The following GRIA3 variants were observed in gnomAD, a reference collection of about 807,000 sequenced individuals.
The protein encoded by GRIA3 is glutamate receptor 3.
A neutral mutation model predicts 63.0 loss-of-function variants in GRIA3; 3 were observed. The observed-to-expected ratio is 0.05, with a 90% confidence interval of 0.02 to 0.12. The LOEUF is 0.12. GRIA3 is among the 10% of genes least tolerant of loss of function. The pLI is 1.00. For missense variants in GRIA3, 347 were observed against 700.9 expected (o/e 0.50, Z 5.70); for synonymous variants, 274 against 257.9 (o/e 1.06, Z -0.60).
chrX:123,399,028 T>A (rs1228858020), intron 7 of GRIA3, among the ~76,000 whole-genome samples: 1 of 111,049 alleles, frequency 9.0e-6, no homozygotes, highest in Admixed American at 9.6e-5. Flanking sequence ...AGAGATAAAT[T>A]TAGGGCAAAT....
At chrX:123,311,380 T>C (rs951481429) in intron 3 of GRIA3, among the ~76,000 whole-genome samples, 1 of 112,068 alleles carries the variant, frequency 8.9e-6, no homozygotes, top group Non-Finnish European at 1.9e-5. Context: ...AGCCCAAGCA[T>C]GTACCAATAA....
At chrX:123,331,924 C>A (rs1021004078) in intron 4 of GRIA3, among the ~76,000 whole-genome samples, 1 of 111,651 alleles carries the variant, frequency 9.0e-6, no homozygotes, top group Non-Finnish European at 1.9e-5. Flanking sequence ...GTGGAAAGCA[C>A]TTGGTACAGT....
chrX:123,184,571 C>T lies in GRIA3; in HGVS notation c.36C>T (p.Leu12=), dbSNP rs375713570. 8.3e-7 allele frequency: 1 copy of T among 1,210,037 alleles called. No individual in the cohort carries two copies. Among genetic ancestry groups the T allele is most frequent in the Non-Finnish European group, 1.1e-6 (1 of 894,504 alleles). Reference sequence around the variant, plus strand: ...AGAAGAAAATGGGGCAAAGCGTGCTCCGGGCGGTCTTCTTTTTAGTCCTGG... The same window carrying T: ...AGAAGAAAATGGGGCAAAGCGTGCTTCGGGCGGTCTTCTTTTTAGTCCTGG... ...ARQKKMGQSV[L]RAVFFLVLGL... The change falls in exon 1 of 16, where the codon CTC becomes CTT. Residue 12 remains leucine, a synonymous_variant. Transcript: ENST00000620443.
intron 3 of GRIA3, among the ~76,000 whole-genome samples, chrX:123,298,036 C>A (rs1603077614): frequency 9.0e-6 from 1 of 111,328 alleles, no homozygotes; most frequent in East Asian, 2.8e-4. Context: ...CCATCAATGT[C>A]TCCTCAAAGG....
chrX:123,420,601 G>T (rs1029871418), intron 11 of GRIA3, among the ~76,000 whole-genome samples: 3 of 111,081 alleles, frequency 2.7e-5, no homozygotes, highest in Non-Finnish European at 5.7e-5. Flanking sequence ...TAAGGCTCAA[G>T]ATTTTATTGG....
chrX:123,279,271 T>C (rs759845244), intron 3 of GRIA3, among the ~76,000 whole-genome samples: 2 of 111,323 alleles, frequency 1.8e-5, no homozygotes, highest in South Asian at 7.6e-4. Flanking sequence ...TAATTACAGT[T>C]ATATAGGAGG....
intron 2 of GRIA3, among the ~76,000 whole-genome samples, chrX:123,218,673 T>C (rs1928220801): frequency 9.0e-6 from 1 of 111,670 alleles, no homozygotes; most frequent in Non-Finnish European, 1.9e-5. Context: ...AAATTACTTG[T>C]GCAAGTGGAC....
At chrX:123,441,614 T>A (rs2045674494) in intron 12 of GRIA3, among the ~76,000 whole-genome samples, 1 of 111,948 alleles carries the variant, frequency 8.9e-6, no homozygotes, top group Non-Finnish European at 1.9e-5. Context: ...TGGCATACAA[T>A]ATCAAATGAA....
At chrX:123,313,119 C>T (rs928935647) in intron 3 of GRIA3, among the ~76,000 whole-genome samples, 2 of 111,592 alleles carry the variant, frequency 1.8e-5, no homozygotes, top group African/African-American at 6.5e-5. Context: ...CAAATTCACT[C>T]TCATATCCCC....
chrX:123,276,057 G>A (rs2044552961), intron 3 of GRIA3, among the ~76,000 whole-genome samples: 1 of 111,992 alleles, frequency 8.9e-6, no homozygotes, highest in African/African-American at 3.2e-5. Context: ...CCCAGAGAGG[G>A]AAAATGACTT....
intron 3 of GRIA3, among the ~76,000 whole-genome samples, chrX:123,306,855 C>T (rs2044757967): frequency 8.9e-6 from 1 of 111,910 alleles, no homozygotes; most frequent in Non-Finnish European, 1.9e-5. Flanking sequence ...GCTGATCACA[C>T]ACCATTTTCT....
chrX:123,301,694 T>C (rs1182736299), intron 3 of GRIA3, among the ~76,000 whole-genome samples: 1 of 111,761 alleles, frequency 8.9e-6, no homozygotes, highest in Non-Finnish European at 1.9e-5. Context: ...AACTTAAATG[T>C]TGCTTTGTGT....
At chrX:123,426,919 G>A (rs762609049) in intron 11 of GRIA3, among the ~76,000 whole-genome samples, 9 of 111,538 alleles carry the variant, frequency 8.1e-5, no homozygotes, top group Admixed American at 4.7e-4. Flanking sequence ...TTTTGTTTTC[G>A]TTTTCTGTGT....
intron 2 of GRIA3, among the ~76,000 whole-genome samples, chrX:123,199,336 G>T (rs1391562947): frequency 1.0e-5 from 1 of 98,745 alleles, no homozygotes; most frequent in African/African-American, 3.8e-5. Context: ...TAACAGCATG[G>T]TGTATCCAGC....
At chrX:123,199,331 G>C (rs1182521579) in intron 2 of GRIA3, among the ~76,000 whole-genome samples, 4 of 92,123 alleles carry the variant, frequency 4.3e-5, no homozygotes, top group African/African-American at 1.7e-4. Context: ...GTATCTAACA[G>C]CATGGTGTAT....
intron 5 of GRIA3, among the ~76,000 whole-genome samples, chrX:123,382,597 G>A (rs1489507229): frequency 9.0e-6 from 1 of 111,709 alleles, no homozygotes; most frequent in African/African-American, 3.3e-5. Context: ...TTTGTGGGGT[G>A]TATGCGGCAG....
intron 4 of GRIA3, 120 bp downstream of exon 4, chrX:123,326,333 GT>G: frequency 2.3e-6 from 1 of 437,440 alleles, no homozygotes; most frequent in East Asian, 6.2e-5. Flanking sequence ...GTTTTTGATA[GT>G]CTCTCTAATC....
chrX:123,425,114 G>T (rs2045583084), intron 11 of GRIA3, among the ~76,000 whole-genome samples: 1 of 111,424 alleles, frequency 9.0e-6, no homozygotes. Context: ...AAATATGTTT[G>T]GTTTTCATGC....
chrX:123,234,054 AAAT>A (rs774963090), intron 2 of GRIA3, among the ~76,000 whole-genome samples: 2 of 111,485 alleles, frequency 1.8e-5, no homozygotes, highest in African/African-American at 6.5e-5. Context: ...AGTCCTGGAA[AAAT>A]AATATTAACC....
Sources: allele counts gnomAD v4.1 joint callset (sites outside exome capture counted in the v4.1 genomes callset), GRCh38; gene constraint gnomAD v4.1.1; transcripts MANE v1.5; gene names NCBI Gene and HGNC (gene_info 2026-07-23, HGNC 2026-07-21).